The following TDRD6 variants were observed in gnomAD, a reference collection of about 807,000 sequenced individuals.
TDRD6 encodes tudor domain-containing protein 6.
TDRD6 carries 186 observed loss-of-function variants against 157.5 expected under a neutral mutation model. That is an observed-to-expected ratio of 1.18 (90% CI 1.05 to 1.33). The LOEUF is 1.33. Ranked by LOEUF, TDRD6 falls within the 40% of genes most tolerant of loss-of-function variation. The pLI is 0.00. For missense variants in TDRD6, 3,066 were observed against 2,508.0 expected (o/e 1.22, Z -4.75); for synonymous variants, 1,075 against 945.2 (o/e 1.14, Z -2.52).
intron 1 of TDRD6, among the ~76,000 whole-genome samples, chr6:46,695,032 A>T (rs986820860): frequency 6.6e-6 from 1 of 152,158 alleles, no homozygotes; most frequent in African/African-American, 2.4e-5. Context: ...TATTTTTACT[A>T]CTGTTTGCTA....
intron 3 of TDRD6, among the ~76,000 whole-genome samples, chr6:46,701,450 C>T (rs1764621808): frequency 6.6e-6 from 1 of 152,034 alleles, no homozygotes; most frequent in Admixed American, 6.6e-5. Flanking sequence ...TGGTATTGCA[C>T]ATTCTTGTTC....
At chr6:46,681,519 C>T in the TDRD6 span, 2 of 470,758 alleles carry the variant, frequency 4.2e-6, no homozygotes, top group South Asian at 1.5e-5. Flanking sequence ...ATACTTTACC[C>T]CCAACAGGCT....
chr6:46,681,532 T>C, the TDRD6 span: 1 of 470,990 alleles, frequency 2.1e-6, no homozygotes, highest in South Asian at 1.5e-5. Context: ...AACAGGCTGC[T>C]GTGATTGTCA....
chr6:46,692,525 A>G lies in TDRD6; in HGVS notation c.4397A>G (p.His1466Arg). Residue 1466 changes from histidine to arginine, a missense_variant, in exon 1 of 4, where the codon CAT becomes CGT. Physicochemically the swap from His to Arg is conservative, Grantham distance 29. Transcript: ENST00000316081. ...DRWEVILADE[H>R]GIIADDMISR... ...TGGGAAGTTATTCTTGCTGATGAAC[A>G]TGGGATCATAGCAGATGATATGATT... 3 of 1,613,842 alleles carry G rather than the reference A, an allele frequency of 1.9e-6. No individual in the cohort carries two copies. The highest frequency in any genetic ancestry group is 2.5e-6 in the Non-Finnish European group (3 of 1,180,028).
the TDRD6 span, chr6:46,681,483 G>A: frequency 4.3e-6 from 2 of 464,784 alleles, no homozygotes; most frequent in African/African-American, 4.0e-5. Context: ...TGAATTTTGA[G>A]GAATACATTA....
chr6:46,685,234 T>A (rs1764063173), upstream of TDRD6, among the ~76,000 whole-genome samples: 1 of 152,120 alleles, frequency 6.6e-6, no homozygotes, highest in Non-Finnish European at 1.5e-5. Flanking sequence ...TGTCTGTAGC[T>A]TGTCTTTTTC....
At chr6:46,699,200 A>G (rs914403872) in intron 3 of TDRD6, among the ~76,000 whole-genome samples, 7 of 152,102 alleles carry the variant, frequency 4.6e-5, no homozygotes, top group Non-Finnish European at 2.9e-5. Context: ...CCAGCCTCCA[A>G]TGGCCCCTTT....
At position 46,691,091 on chromosome 6, in the gene TDRD6, A is replaced by G; in HGVS notation, c.2963A>G (p.Glu988Gly). The change falls in exon 1 of 4, where the codon GAA (glutamate) becomes GGA (glycine). Residue 988 changes from glutamate to glycine, a missense_variant. Physicochemically the swap from Glu to Gly is moderately conservative, Grantham distance 98. Coordinates refer to ENST00000316081, the MANE Select transcript of TDRD6 (RefSeq NM_001010870.3). The part of the protein sequence containing the change: ...STHDMKIGSE[E>G]LVYITHIDDP... ...CATGATATGAAAATTGGAAGTGAAGAATTAGTTTATATAACGCATATTGAT... is the reference window on the plus strand; with the variant it reads ...CATGATATGAAAATTGGAAGTGAAGGATTAGTTTATATAACGCATATTGAT... 2 of 1,613,900 alleles carry G rather than the reference A, an allele frequency of 1.2e-6. No individual in the cohort carries two copies. Among genetic ancestry groups the G allele is most frequent in the Non-Finnish European group, 1.7e-6 (2 of 1,179,916 alleles).
At position 46,693,321 on chromosome 6, in the gene TDRD6, A is replaced by G. The variant is rs746507712; in HGVS notation, c.5193A>G (p.Lys1731=). Reference sequence around the variant, plus strand: ...ACAATCTTGATGTAGGACTTAAGAAATTAAGTAATAAAGCTGTACAAAATA... The same window carrying G: ...ACAATCTTGATGTAGGACTTAAGAAGTTAAGTAATAAAGCTGTACAAAATA... ...GSYNLDVGLK[K]LSNKAVQNKI... The change falls in exon 1 of 4, where the codon AAA becomes AAG. Residue 1731 remains lysine (K), a synonymous_variant. Transcript: ENST00000316081. The G allele has an allele frequency of 6.2e-7, 1 of 1,604,944 alleles. No individual in the cohort carries two copies. Among genetic ancestry groups the G allele is most frequent in the South Asian group, 1.1e-5 (1 of 89,464 alleles).
Position 46,695,857 on chromosome 6 carries a change from C to G in TDRD6, c.6083C>G (p.Thr2028Ser). The G allele has an allele frequency of 3.7e-6, 6 of 1,613,660 alleles. No homozygotes were observed. The highest frequency in any genetic ancestry group is 5.1e-6 in the Non-Finnish European group (6 of 1,179,742). The change falls in exon 2 of 4, where the codon ACT becomes AGT. Residue 2028 changes from threonine to serine, a missense_variant. Transcript: ENST00000316081. ...AACACCTACACTCTGAAAGCCTTTA[C>G]TGTTGGATCTAAATGTGTTGTGTGG... is the stretch of plus-strand genomic sequence containing the variant. ...LQNTYTLKAFTVGSKCVVWSS... is the reference protein window; with the variant it reads ...LQNTYTLKAFSVGSKCVVWSS...
At chr6:46,686,692 T>C (rs1189840043), upstream of TDRD6, among the ~76,000 whole-genome samples, 1 of 147,360 alleles carries the variant, frequency 6.8e-6, no homozygotes, top group Non-Finnish European at 1.5e-5. Flanking sequence ...GAAATTGGAT[T>C]CATTCATTCA....
Position 46,693,228 on chromosome 6 carries a change from G to A in TDRD6, c.5100G>A (p.Lys1700=). ...SINEKMEKYS[K]TGIKSALPYE... The stretch of plus-strand genomic sequence containing the variant: ...ATGAGAAAATGGAGAAATATTCTAA[G>A]ACTGGTATTAAAAGTGCTCTTCCCT... The change falls in exon 1 of 4, where the codon AAG becomes AAA. Residue 1700 remains lysine (K), a synonymous_variant. Coordinates refer to ENST00000316081, the MANE Select transcript of TDRD6 (RefSeq NM_001010870.3). The A allele has an allele frequency of 1.2e-6, 2 of 1,613,230 alleles. No individual in the cohort carries two copies. The highest frequency in any genetic ancestry group is 1.7e-6 in the Non-Finnish European group (2 of 1,179,772).
Position 46,688,080 on chromosome 6 carries a change from A to G in TDRD6, c.-49A>G, listed in dbSNP as rs1764154913. On this transcript the variant is annotated 5_prime_UTR_variant, in exon 1 of 4. Coordinates refer to ENST00000316081, the MANE Select transcript of TDRD6 (RefSeq NM_001010870.3). ...CGGCGCGGAGGATTTCGAGGCCCTG[A>G]GGCGCGGCCCTTAATTTCCGGAAGT... is the stretch of plus-strand genomic sequence containing the variant. The G allele has an allele frequency of 7.0e-7, 1 of 1,427,058 alleles. No individual in the cohort carries two copies. Among genetic ancestry groups the G allele is most frequent in the Non-Finnish European group, 9.1e-7 (1 of 1,099,668 alleles). The allele number at this position is 1,427,058 out of a possible 1,614,324, so 88.4% of individuals were successfully genotyped here. A position where few individuals can be genotyped will look rare whatever the true frequency, so the allele number is the denominator to read the frequency against.
Position 46,691,376 on chromosome 6 carries a change from GTGA to G in TDRD6, c.3251_3253del (p.Asp1084del), listed in dbSNP as rs1479165105. ...AGTGATGATCTGCTTCCAATACCTA[GTGA>G]TGCATATGATGTCTTACTTTTGCCC... On this transcript the variant is annotated inframe_deletion, in exon 1 of 4. Transcript: ENST00000316081. The G allele has an allele frequency of 6.2e-7, 1 of 1,614,002 alleles. No individual in the cohort carries two copies. Among genetic ancestry groups the G allele is most frequent in the Non-Finnish European group, 8.5e-7 (1 of 1,179,924 alleles).
Position 46,692,797 on chromosome 6 carries a change from C to T in TDRD6, c.4669C>T (p.Gln1557Ter). 1.2e-6 allele frequency: 2 copies of T among 1,614,014 alleles called. No homozygotes were observed. The highest frequency in any genetic ancestry group is 1.7e-6 in the Non-Finnish European group (2 of 1,179,978). ...LEVEVQTAGE[Q>*]VADRRNCIPC... is the part of the protein sequence containing the mutation. ...AGTAGAAGTACAGACTGCTGGAGAA[C>T]AGGTAGCAGACAGGAGAAATTGTAT... Residue 1557 changes from glutamine (Q) to a stop codon, truncating the protein, a stop_gained, in exon 1 of 4, where the codon CAG becomes TAG. Coordinates refer to ENST00000316081, the MANE Select transcript of TDRD6 (RefSeq NM_001010870.3). LOFTEE classifies it high-confidence loss of function.
In TDRD6 at chr6:46,693,691, G is replaced by T; in HGVS notation, c.5563G>T (p.Glu1855Ter). The change falls in exon 1 of 4, where the codon GAG becomes TAG. Residue 1855 changes from glutamate to a stop codon, truncating the protein, a stop_gained. Transcript: ENST00000316081. LOFTEE classifies it high-confidence loss of function. ...AGAATTCTTAGAACTGGAATCTATT[G>T]AGTTACAGAATTCTCTGGTGGTGGA... is the stretch of plus-strand genomic sequence containing the variant. ...SKEFLELESI[E>*]LQNSLVVDEE... 1.2e-6 allele frequency: 2 copies of T among 1,614,172 alleles called. No homozygotes were observed. Among genetic ancestry groups the T allele is most frequent in the South Asian group, 2.2e-5 (2 of 91,078 alleles).
chr6:46,692,182 C>T lies in TDRD6; in HGVS notation c.4054C>T (p.Pro1352Ser), dbSNP rs1036883030. 8 of 1,613,996 alleles carry T rather than the reference C, an allele frequency of 5.0e-6. No homozygotes were observed. The highest frequency in any genetic ancestry group is 6.8e-6 in the Non-Finnish European group (8 of 1,180,004). ...KTRPEYYVGP[P>S]LQRGDMICAV... is the part of the protein sequence containing the mutation. ...AAGGCCCGAATATTATGTAGGTCCA[C>T]CTTTGCAAAGAGGAGATATGATATG... Residue 1352 changes from proline to serine, a missense_variant, in exon 1 of 4, where the codon CCT (proline) becomes TCT (serine). Pro to Ser is a moderately conservative substitution (Grantham distance 74). Coordinates refer to ENST00000316081, the MANE Select transcript of TDRD6 (RefSeq NM_001010870.3).
In TDRD6 at chr6:46,693,294, C is replaced by T. The variant is rs767723465; in HGVS notation, c.5166C>T (p.Ser1722=). 3.1e-6 allele frequency: 5 copies of T among 1,611,510 alleles called. No homozygotes were observed. The Admixed American group carries it at 8.4e-5, about 27-fold the overall frequency. ...IDSEIKQTLG[S]YNLDVGLKKL... is the part of the protein sequence containing the mutation. ...CAGAGATAAAGCAGACTCTTGGGTC[C>T]TACAATCTTGATGTAGGACTTAAGA... The change falls in exon 1 of 4, where the codon TCC becomes TCT. Residue 1722 remains serine, a synonymous_variant. Transcript: ENST00000316081.
At position 46,691,841 on chromosome 6, in the gene TDRD6, A is replaced by G. The variant is rs749917793; in HGVS notation, c.3713A>G (p.Gln1238Arg). 2.5e-6 allele frequency: 4 copies of G among 1,602,364 alleles called. No homozygotes were observed. The highest frequency in any genetic ancestry group is 3.6e-5 in the Admixed American group (2 of 56,308). The part of the protein sequence containing the change: ...QSLTKTNLVT[Q>R]YQDSVGNKNS... ...TTAACAAAAACAAACTTAGTCACTC[A>G]ATATCAAGACTCTGTGGGAAATAAA... Residue 1238 changes from glutamine to arginine, a missense_variant, in exon 1 of 4, where the codon CAA (glutamine) becomes CGA (arginine). Physicochemically the swap from Gln to Arg is conservative, Grantham distance 43 (BLOSUM62 1). Transcript: ENST00000316081.
Sources: allele counts gnomAD v4.1 joint callset (sites outside exome capture counted in the v4.1 genomes callset), GRCh38; gene constraint gnomAD v4.1.1; transcripts MANE v1.5; gene names NCBI Gene and HGNC (gene_info 2026-07-23, HGNC 2026-07-21).